SEMA3C: variants seen among roughly 807,000 people sequenced by gnomAD.
SEMA3C encodes the protein semaphorin 3C.
Under a neutral mutation model 89.4 loss-of-function variants are expected in SEMA3C, and 47 were observed. That is an observed-to-expected ratio of 0.53 (90% CI 0.42 to 0.67). SEMA3C has a LOEUF of 0.67. Ranked by LOEUF, SEMA3C falls within the 30% of genes least tolerant of loss-of-function variation. The pLI, the probability that SEMA3C is intolerant of heterozygous loss-of-function variation, is 0.00. For synonymous variants in SEMA3C, 310 were observed against 320.2 expected, an observed-to-expected ratio of 0.97 and a Z score of 0.34; for missense variants, 839 against 929.1, an observed-to-expected ratio of 0.90 and a Z score of 1.26.
At chr7:80,900,005 G>A (rs571951140) in intron 2 of SEMA3C, among the ~76,000 whole-genome samples, 7 of 152,208 alleles carry the variant, frequency 4.6e-5, no homozygotes, top group African/African-American at 1.4e-4. Flanking sequence ...ACTGCAAAGT[G>A]GTGAAGTCTG....
chr7:80,866,199 C>T (rs1043171222), intron 2 of SEMA3C, among the ~76,000 whole-genome samples: 2 of 152,080 alleles, frequency 1.3e-5, no homozygotes, highest in African/African-American at 4.8e-5. Context: ...TATAAGGAAA[C>T]TGATTCTCAG....
At chr7:80,907,855 A>G (rs997989063) in intron 2 of SEMA3C, among the ~76,000 whole-genome samples, 2 of 152,038 alleles carry the variant, frequency 1.3e-5, no homozygotes, top group African/African-American at 4.8e-5. Context: ...CAGACATGTT[A>G]TTTAAAAGGC....
At chr7:80,893,460 T>C (rs1791663221) in intron 2 of SEMA3C, among the ~76,000 whole-genome samples, 2 of 152,158 alleles carry the variant, frequency 1.3e-5, no homozygotes, top group Admixed American at 1.3e-4. Flanking sequence ...CCCCTTTTCC[T>C]TTATCTCTCT....
At chr7:80,751,991 T>A (rs2117034565) in intron 15 of SEMA3C, among the ~76,000 whole-genome samples, 1 of 152,312 alleles carries the variant, frequency 6.6e-6, no homozygotes, top group Admixed American at 6.5e-5. Flanking sequence ...GCCACATTAA[T>A]TTCTTTCTCT....
intron 11 of SEMA3C, among the ~76,000 whole-genome samples, chr7:80,791,145 G>A (rs1309166000): frequency 6.6e-6 from 1 of 151,850 alleles, no homozygotes; most frequent in Non-Finnish European, 1.5e-5. Context: ...CTGCTGAACA[G>A]CGTCAGCAGT....
At chr7:80,750,517 T>TTA (rs1787911039) in intron 16 of SEMA3C, among the ~76,000 whole-genome samples, 1 of 97,146 alleles carries the variant, frequency 1.0e-5, no homozygotes, top group East Asian at 2.7e-4. Context: ...CACACACACA[T>TTA]TATATATATG....
At chr7:80,836,001 G>A (rs991312232) in intron 2 of SEMA3C, among the ~76,000 whole-genome samples, 30 of 152,136 alleles carry the variant, frequency 2.0e-4, no homozygotes, top group African/African-American at 7.0e-4. Flanking sequence ...TGACAACTTC[G>A]ACAGTTACTA....
intron 2 of SEMA3C, among the ~76,000 whole-genome samples, chr7:80,903,735 A>AG (rs1791940139): frequency 6.6e-6 from 1 of 152,220 alleles, no homozygotes; most frequent in Non-Finnish European, 1.5e-5. Context: ...ATCATTATGC[A>AG]GTACATTAGT....
chr7:80,840,462 C>T (rs1364314236), intron 2 of SEMA3C, among the ~76,000 whole-genome samples: 8 of 140,504 alleles, frequency 5.7e-5, no homozygotes, highest in African/African-American at 8.1e-5. Context: ...GAAGCTGCAG[C>T]GAGCTGTGAT....
intron 14 of SEMA3C, among the ~76,000 whole-genome samples, chr7:80,760,770 T>C (rs189710435): frequency 2.8e-3 from 419 of 152,298 alleles, no homozygotes; most frequent in African/African-American, 9.3e-3. Context: ...AATTAACTTG[T>C]TTGTGAGAAG....
intron 2 of SEMA3C, among the ~76,000 whole-genome samples, chr7:80,899,389 A>C (rs1381671418): frequency 6.6e-6 from 1 of 152,224 alleles, no homozygotes; most frequent in Non-Finnish European, 1.5e-5. Context: ...AGACAAAAGT[A>C]AATGCATTAT....
intron 2 of SEMA3C, among the ~76,000 whole-genome samples, chr7:80,882,412 C>CTTTTTTTTT (rs763742493): frequency 4.3e-5 from 2 of 46,662 alleles, no homozygotes; most frequent in Admixed American, 2.4e-4. Flanking sequence ...GTAAGGGATG[C>CTTTTTTTTT]TTTTTTTTTT....
intron 12 of SEMA3C, among the ~76,000 whole-genome samples, chr7:80,785,702 C>T (rs557264733): frequency 6.6e-6 from 1 of 152,304 alleles, no homozygotes; most frequent in African/African-American, 2.4e-5. Context: ...TCACCACAAC[C>T]TCCACCTCTC....
rs1040308114 is a variant in SEMA3C at position 80,877,785 on chromosome 7, A to AT, written c.103+38893dup. The stretch of plus-strand genomic sequence containing the variant: ...TTGTAATAAGGATTTTATATTTTTA[A>AT]TTTTTTTTTCAGAGTATAACTTTTG... On this transcript the variant is annotated intron_variant, in intron 2 of 17. Coordinates refer to ENST00000265361, the MANE Select transcript of SEMA3C (RefSeq NM_006379.5). Among the ~76,000 whole-genome samples the AT allele has an allele frequency of 2.0e-4, 31 of 151,466 alleles. No homozygotes were observed. In the East Asian group the frequency reaches 3.1e-3, roughly 15 times the overall value.
chr7:80,821,441 A>G (rs1365643592), intron 4 of SEMA3C, among the ~76,000 whole-genome samples: 2 of 151,932 alleles, frequency 1.3e-5, no homozygotes, highest in Non-Finnish European at 2.9e-5. Flanking sequence ...GGGGTGGGCG[A>G]CAGAGTGTCG....
At chr7:80,783,497 A>G (rs1459504755) in intron 12 of SEMA3C, among the ~76,000 whole-genome samples, 1 of 152,194 alleles carries the variant, frequency 6.6e-6, no homozygotes, top group East Asian at 1.9e-4. Context: ...GTAACTTACA[A>G]AGGGTTTTTT....
In SEMA3C at chr7:80,744,641, GAATA is replaced by G. The variant is rs1787757115; in HGVS notation, c.*249_*252del. The stretch of plus-strand genomic sequence containing the variant: ...ACCATATCGATTTTGAAGAAAAGGT[GAATA>G]AAGATATAAATAAAATCTGGGTTAA... On this transcript the variant is annotated 3_prime_UTR_variant, in exon 18 of 18. Transcript: ENST00000265361. 7 of 498,520 alleles carry G rather than the reference GAATA, an allele frequency of 1.4e-5. No individual in the cohort carries two copies. In the East Asian group the frequency reaches 2.6e-4, roughly 19 times the overall value. The allele number at this position is 498,520 out of a possible 1,614,324, so 30.9% of individuals were successfully genotyped here.
intron 12 of SEMA3C, among the ~76,000 whole-genome samples, chr7:80,787,589 A>G (rs1042411770): frequency 6.6e-6 from 1 of 152,076 alleles, no homozygotes; most frequent in Non-Finnish European, 1.5e-5. Flanking sequence ...GAGGTATTTC[A>G]GTGGTTAAAA....
At chr7:80,818,940 C>A (rs1789678760) in intron 4 of SEMA3C, among the ~76,000 whole-genome samples, 1 of 152,174 alleles carries the variant, frequency 6.6e-6, no homozygotes, top group African/African-American at 2.4e-5. Flanking sequence ...AGTCAACAAA[C>A]ATTTACTGAT....
Sources: gnomAD v4.1 joint callset for allele counts (sites outside exome capture counted in the v4.1 genomes callset) on GRCh38, gnomAD v4.1.1 for gene constraint, MANE v1.5 for transcripts, NCBI Gene and HGNC (gene_info 2026-07-23, HGNC 2026-07-21) for gene names.